Variants in PARP15 observed in about 807,000 individuals in gnomAD.
PARP15 encodes the protein poly(ADP-ribose) polymerase family member 15, also known as protein mono-ADP-ribosyltransferase PARP15.
PARP15 carries 50 observed loss-of-function variants against 62.1 expected under a neutral mutation model. That is an observed-to-expected ratio of 0.81 (90% CI 0.64 to 1.02). The LOEUF is 1.02. PARP15 is among the 50% of genes least tolerant of loss of function. The pLI is 0.00. For missense variants in PARP15, 820 were observed against 826.5 expected, an observed-to-expected ratio of 0.99 and a Z score of 0.10; for synonymous variants, 309 against 293.1, an observed-to-expected ratio of 1.05 and a Z score of -0.55.
chr3:122,635,719 G>T (rs1937320630), intron 11 of PARP15, 92 bp from the exon 12 acceptor site: 1 of 1,423,902 alleles, frequency 7.0e-7, no homozygotes, highest in African/African-American at 1.4e-5. Flanking sequence ...GGCTAAAACT[G>T]CATTTAGAAA....
chr3:122,601,082 C>T (rs1934765313), intron 1 of PARP15, among the ~76,000 whole-genome samples: 1 of 113,952 alleles, frequency 8.8e-6, no homozygotes, highest in Admixed American at 1.0e-4. Context: ...TGCTCTGTTA[C>T]CCAGGCTGGA....
intron 10 of PARP15, among the ~76,000 whole-genome samples, 188 bp from the exon 11 acceptor site, chr3:122,634,832 T>C (rs965543207): frequency 1.3e-5 from 2 of 152,250 alleles, no homozygotes; most frequent in Non-Finnish European, 2.9e-5. Context: ...TTAGCCCATC[T>C]TTCTCTAAAG....
intron 7 of PARP15, among the ~76,000 whole-genome samples, chr3:122,620,856 A>G (rs1007756504): frequency 1.3e-5 from 2 of 152,190 alleles, no homozygotes; most frequent in Non-Finnish European, 2.9e-5. Flanking sequence ...AGCCTTACTC[A>G]GAGCAGTCTG....
intron 1 of PARP15, among the ~76,000 whole-genome samples, chr3:122,583,221 A>G (rs1215837954): frequency 1.6e-4 from 23 of 145,814 alleles, no homozygotes; most frequent in Admixed American, 1.2e-3. Flanking sequence ...CCCAGGTTCA[A>G]GCAATTCTCC....
At chr3:122,625,228 G>T (rs532126729) in intron 8 of PARP15, among the ~76,000 whole-genome samples, 1 of 144,602 alleles carries the variant, frequency 6.9e-6, no homozygotes, top group Admixed American at 7.2e-5. Context: ...GGTTTTGTTT[G>T]TTGTTGTTGT....
chr3:122,625,864 T>C (rs1000564090), intron 8 of PARP15, among the ~76,000 whole-genome samples: 10 of 152,168 alleles, frequency 6.6e-5, no homozygotes, highest in Admixed American at 6.5e-5. Flanking sequence ...ATCAGACAGC[T>C]AGTAAGTAGT....
At position 122,632,103 on chromosome 3, in the gene PARP15, T is replaced by C. The variant is rs1369119030; in HGVS notation, c.1456T>C (p.Trp486Arg). ...CTTTCCAGGTAATCTTCCTGAACAC[T>C]GGACTGACATGAATCATCAGCTGTT... ...SMTTCNLPEH[W>R]TDMNHQLFCM... Residue 486 changes from tryptophan (W) to arginine (R), a missense_variant, in exon 10 of 12, where the codon TGG becomes CGG. This residue lies in a region of PARP15 where 731 missense variants were observed against 727.7 expected (regional missense o/e 1.00). Transcript: ENST00000464300. 2 of 1,614,066 alleles carry C rather than the reference T, an allele frequency of 1.2e-6. No homozygotes were observed. Among genetic ancestry groups the C allele is most frequent in the Non-Finnish European group, 1.7e-6 (2 of 1,179,960 alleles).
At chr3:122,603,061 C>G (rs1339876487) in intron 1 of PARP15, among the ~76,000 whole-genome samples, 1 of 150,950 alleles carries the variant, frequency 6.6e-6, no homozygotes, top group Non-Finnish European at 1.5e-5. Flanking sequence ...TGAACACCTA[C>G]TTGACCAAAA....
At chr3:122,587,062 CT>C (rs1306550510) in intron 1 of PARP15, among the ~76,000 whole-genome samples, 2 of 152,074 alleles carry the variant, frequency 1.3e-5, no homozygotes, top group African/African-American at 2.4e-5. Flanking sequence ...TTCAGATTGA[CT>C]TTTTTCACTT....
intron 1 of PARP15, among the ~76,000 whole-genome samples, chr3:122,582,231 G>A (rs961396103): frequency 2.6e-5 from 4 of 151,820 alleles, no homozygotes; most frequent in South Asian, 4.1e-4. Context: ...GAATGCAGTG[G>A]TGCAAACACT....
intron 1 of PARP15, among the ~76,000 whole-genome samples, chr3:122,591,710 G>A (rs1475487133): frequency 6.9e-6 from 1 of 143,924 alleles, no homozygotes; most frequent in Admixed American, 7.3e-5. Context: ...GCAGTGAGCC[G>A]AGCCGAGATT....
At chr3:122,591,857 C>T (rs537134792) in intron 1 of PARP15, among the ~76,000 whole-genome samples, 19 of 151,852 alleles carry the variant, frequency 1.3e-4, no homozygotes, top group Non-Finnish European at 2.2e-4. Flanking sequence ...AGATTCCAGG[C>T]GTCCCACAAT....
chr3:122,620,923 C>G (rs1391881845), intron 7 of PARP15, among the ~76,000 whole-genome samples: 2 of 152,176 alleles, frequency 1.3e-5, no homozygotes, highest in Admixed American at 1.3e-4. Flanking sequence ...CTCAAGAGCT[C>G]TAGGGTCCTG....
chr3:122,593,090 G>GTCTATCTATCTATCTA (rs3052715), intron 1 of PARP15, among the ~76,000 whole-genome samples: 36,476 of 147,604 alleles, frequency 0.25, 5,067 homozygotes, highest in Non-Finnish European at 0.3. Flanking sequence ...AAAATTATCT[G>GTCTATCTATCTATCTA]TCTATCTATC....
chr3:122,626,322 C>T (rs979377000), intron 8 of PARP15, among the ~76,000 whole-genome samples: 2 of 151,902 alleles, frequency 1.3e-5, no homozygotes, highest in Admixed American at 6.6e-5. Context: ...CCTCAGCCTC[C>T]CGAGTAGCTG....
chr3:122,622,391 A>G (rs1041876401), intron 8 of PARP15, among the ~76,000 whole-genome samples: 1 of 152,130 alleles, frequency 6.6e-6, no homozygotes, highest in African/African-American at 2.4e-5. Context: ...TGGTGGTGCC[A>G]TGACGCTCCC....
intron 10 of PARP15, among the ~76,000 whole-genome samples, chr3:122,634,534 A>G (rs1937242923): frequency 6.6e-6 from 1 of 152,226 alleles, no homozygotes; most frequent in Admixed American, 6.6e-5. Context: ...CTAGAAAAAA[A>G]TAGTCATAAG....
intron 1 of PARP15, among the ~76,000 whole-genome samples, chr3:122,596,439 A>G (rs1458851146): frequency 1.3e-5 from 2 of 150,372 alleles, no homozygotes; most frequent in Admixed American, 1.3e-4. Flanking sequence ...CACCTCATCA[A>G]CTTGCATTAC....
At chr3:122,598,192 C>A (rs1934505657) in intron 1 of PARP15, among the ~76,000 whole-genome samples, 1 of 152,174 alleles carries the variant, frequency 6.6e-6, no homozygotes, top group African/African-American at 2.4e-5. Flanking sequence ...TACCAGCCTG[C>A]CTCCTCAAGC....
Sources: allele counts gnomAD v4.1 joint callset (sites outside exome capture counted in the v4.1 genomes callset), GRCh38; gene constraint gnomAD v4.1.1; regional missense constraint gnomAD v4.1.1; transcripts MANE v1.5; gene names NCBI Gene and HGNC (gene_info 2026-07-23, HGNC 2026-07-21).